The following ALG9 variants were observed in gnomAD, a reference collection of about 807,000 sequenced individuals.
ALG9 encodes alpha-1,2-mannosyltransferase ALG9.
ALG9 carries 55 observed loss-of-function variants against 81.8 expected under a neutral mutation model. The ratio of observed to expected loss-of-function variants is 0.67; its 90% CI spans 0.54 to 0.84. ALG9 has a LOEUF of 0.84. Ranked by LOEUF, ALG9 falls within the 40% of genes least tolerant of loss-of-function variation. The pLI, the probability that ALG9 is intolerant of heterozygous loss-of-function variation, is 0.00. For synonymous variants in ALG9, 278 were observed against 274.3 expected (o/e 1.01, Z -0.13); for missense variants, 629 against 745.0 (o/e 0.84, Z 1.81).
chr11:111,769,767 AACT>A, the ALG9 span, among the ~76,000 whole-genome samples: 2 of 152,342 alleles, frequency 1.3e-5, no homozygotes, highest in South Asian at 4.1e-4. Context: ...CTTGATGCTA[AACT>A]ACTTTGTTTA....
chr11:111,816,813 G>C (rs1951552345), intron 13 of ALG9, among the ~76,000 whole-genome samples: 3 of 152,090 alleles, frequency 2.0e-5, no homozygotes, highest in African/African-American at 7.2e-5. Flanking sequence ...CTCCCGCCTT[G>C]GCCTCCAAAA....
downstream of ALG9, among the ~76,000 whole-genome samples, chr11:111,778,715 A>G (rs782325454): frequency 6.6e-6 from 1 of 151,968 alleles, no homozygotes; most frequent in African/African-American, 2.4e-5. Flanking sequence ...GATCACCTGG[A>G]GAGTTTAAAA....
intron 1 of ALG9, 118 bp downstream of exon 1, chr11:111,871,234 G>C (rs1405998045): frequency 1.5e-6 from 2 of 1,313,712 alleles, no homozygotes; most frequent in Admixed American, 8.4e-5. Context: ...GGGAGCTCGG[G>C]CCTCCCGCGG....
chr11:111,821,218 G>T (rs781880044), intron 13 of ALG9, among the ~76,000 whole-genome samples: 1 of 151,984 alleles, frequency 6.6e-6, no homozygotes, highest in Non-Finnish European at 1.5e-5. Context: ...ATTTGTACAA[G>T]ATCAAGTGGG....
chr11:111,813,639 T>C (rs1555093925), intron 13 of ALG9, among the ~76,000 whole-genome samples: 1 of 152,104 alleles, frequency 6.6e-6, no homozygotes, highest in East Asian at 1.9e-4. Flanking sequence ...AGAATATATA[T>C]AACTTCTGCT....
At chr11:111,850,175 T>C (rs985261013) in intron 8 of ALG9, among the ~76,000 whole-genome samples, 1 of 152,222 alleles carries the variant, frequency 6.6e-6, no homozygotes, top group Non-Finnish European at 1.5e-5. Context: ...TATTATTATT[T>C]GGTATCACGA....
At chr11:111,866,366 G>A (rs1288281551) in intron 3 of ALG9, among the ~76,000 whole-genome samples, 3 of 152,100 alleles carry the variant, frequency 2.0e-5, no homozygotes, top group Non-Finnish European at 4.4e-5. Flanking sequence ...AGAAATTCAC[G>A]AACAGGTCCA....
At chr11:111,846,342 T>C (rs1051463284) in intron 8 of ALG9, among the ~76,000 whole-genome samples, 1 of 152,208 alleles carries the variant, frequency 6.6e-6, no homozygotes, top group Non-Finnish European at 1.5e-5. Flanking sequence ...TTCTATTATC[T>C]ATTACAGATG....
At chr11:111,869,753 C>A (rs1203873454) in intron 2 of ALG9, among the ~76,000 whole-genome samples, 2 of 152,176 alleles carry the variant, frequency 1.3e-5, no homozygotes, top group Non-Finnish European at 2.9e-5. Flanking sequence ...CTTTGGAAGG[C>A]GAGGTGAGAG....
intron 9 of ALG9, among the ~76,000 whole-genome samples, chr11:111,843,830 T>C (rs1956569763): frequency 6.6e-6 from 1 of 152,256 alleles, no homozygotes; most frequent in African/African-American, 2.4e-5. Flanking sequence ...AAAAGCATCA[T>C]GCTTCTGAGG....
At chr11:111,862,813 TG>T (rs1960799669) in intron 4 of ALG9, among the ~76,000 whole-genome samples, 4 of 151,908 alleles carry the variant, frequency 2.6e-5, no homozygotes. Flanking sequence ...TTCTTTTACT[TG>T]TTTGAAAATG....
At chr11:111,787,429 T>A (rs975952220) in intron 14 of ALG9, among the ~76,000 whole-genome samples, 3 of 151,962 alleles carry the variant, frequency 2.0e-5, no homozygotes, top group Non-Finnish European at 4.4e-5. Context: ...CGAGACCCTA[T>A]CTCAATAAAA....
chr11:111,825,418 C>T (rs1246156882), intron 13 of ALG9, among the ~76,000 whole-genome samples: 2 of 152,162 alleles, frequency 1.3e-5, no homozygotes, highest in Non-Finnish European at 2.9e-5. Context: ...ATGAGAAATG[C>T]TCCTGCTCAA....
chr11:111,769,141 T>TGA, the ALG9 span: 2 of 117,164 alleles, frequency 1.7e-5, no homozygotes, highest in African/African-American at 3.3e-5. Flanking sequence ...ACCCCATCTC[T>TGA]AAAAAAAAAA....
intron 2 of ALG9, among the ~76,000 whole-genome samples, chr11:111,869,936 C>G (rs989607068): frequency 6.6e-6 from 1 of 151,900 alleles, no homozygotes; most frequent in Non-Finnish European, 1.5e-5. Context: ...CTCAGCCTCC[C>G]GAGTAGCTGG....
chr11:111,857,114 A>C (rs1555143855), intron 6 of ALG9, among the ~76,000 whole-genome samples: 1 of 152,178 alleles, frequency 6.6e-6, no homozygotes, highest in East Asian at 1.9e-4. Context: ...TCTCAAAATA[A>C]ATAAATAAAT....
chr11:111,856,580 G>A (rs1958723027), intron 6 of ALG9, among the ~76,000 whole-genome samples: 1 of 149,316 alleles, frequency 6.7e-6, no homozygotes, highest in South Asian at 2.1e-4. Context: ...AGCTAGCGGA[G>A]AAGAAAATTA....
chr11:111,796,146 T>C (rs1227390287), intron 14 of ALG9, among the ~76,000 whole-genome samples: 1 of 152,236 alleles, frequency 6.6e-6, no homozygotes, highest in Admixed American at 6.5e-5. Flanking sequence ...TTTTACCAAA[T>C]AAGGGCATCA....
At chr11:111,806,616 G>C (rs546921207) in intron 14 of ALG9, among the ~76,000 whole-genome samples, 7 of 151,898 alleles carry the variant, frequency 4.6e-5, no homozygotes, top group Non-Finnish European at 8.8e-5. Context: ...GCCTCATCTC[G>C]TCCCTAACTT....
Sources: allele counts gnomAD v4.1 joint callset (sites outside exome capture counted in the v4.1 genomes callset), GRCh38; gene constraint gnomAD v4.1.1; transcripts MANE v1.5; gene names NCBI Gene and HGNC (gene_info 2026-07-23, HGNC 2026-07-21).